The following PPARGC1A variants were observed in gnomAD, a reference collection of about 807,000 sequenced individuals.
PPARGC1A encodes PPARG coactivator 1 alpha, also known as peroxisome proliferator-activated receptor gamma coactivator 1-alpha.
Under a neutral mutation model 88.7 loss-of-function variants are expected in PPARGC1A, and 25 were observed. That is an observed-to-expected ratio of 0.28 (90% CI 0.21 to 0.39). The LOEUF is 0.39. PPARGC1A is among the 10% of genes least tolerant of loss of function. The pLI is 1.00. For synonymous variants in PPARGC1A, 363 were observed against 355.6 expected (o/e 1.02, Z -0.24); for missense variants, 880 against 968.7 (o/e 0.91, Z 1.22).
In PPARGC1A at chr4:23,813,089, G is replaced by T. The variant is rs766369152; in HGVS notation, c.1830C>A (p.His610Gln). The change falls in exon 9 of 13, where the codon CAC becomes CAA. Residue 610 changes from histidine (H) to glutamine (Q), a missense_variant. By Grantham distance (24) the His-to-Gln change is conservative (BLOSUM62 0). Coordinates refer to ENST00000264867, the MANE Select transcript of PPARGC1A (RefSeq NM_013261.5). ...CYYYESSHYR[H>Q]RTHRNSPLYV... ...ACAAGGGAGAATTTCGGTGCGTGCG[G>T]TGTCTGTAGTGGCTTGACTCATAGT... 1.9e-5 allele frequency: 30 copies of T among 1,613,982 alleles called. No individual in the cohort carries two copies. The highest frequency in any genetic ancestry group is 2.1e-5 in the Non-Finnish European group (25 of 1,179,974).
chr4:24,350,387 AC>A, the PPARGC1A span, among the ~76,000 whole-genome samples: 10 of 152,268 alleles, frequency 6.6e-5, no homozygotes, highest in East Asian at 5.8e-4. Flanking sequence ...TCTGAAAAAA[AC>A]TTTTTTTTTG....
At chr4:24,317,596 A>AAC in the PPARGC1A span, among the ~76,000 whole-genome samples, 13 of 131,132 alleles carry the variant, frequency 9.9e-5, no homozygotes, top group African/African-American at 3.2e-4. Flanking sequence ...AAAAAAAAAA[A>AAC]CACCACCACC....
chr4:24,460,197 TATC>T, the PPARGC1A span, among the ~76,000 whole-genome samples: 2 of 152,220 alleles, frequency 1.3e-5, no homozygotes, highest in Non-Finnish European at 2.9e-5. Flanking sequence ...AAATGTTTAA[TATC>T]ATTGTAAACA....
the PPARGC1A span, among the ~76,000 whole-genome samples, chr4:24,387,183 G>A: frequency 6.6e-6 from 1 of 152,180 alleles, no homozygotes; most frequent in African/African-American, 2.4e-5. Flanking sequence ...AAACTGGCTA[G>A]CCATATGCAG....
At chr4:24,046,544 G>A in the PPARGC1A span, among the ~76,000 whole-genome samples, 8 of 152,042 alleles carry the variant, frequency 5.3e-5, no homozygotes, top group African/African-American at 1.9e-4. Context: ...ATGCAAACTC[G>A]ACCACTGACT....
At chr4:24,292,148 T>G in the PPARGC1A span, among the ~76,000 whole-genome samples, 1 of 152,070 alleles carries the variant, frequency 6.6e-6, no homozygotes, top group African/African-American at 2.4e-5. Flanking sequence ...GCCACGGAGG[T>G]TGTCCTGCTC....
the PPARGC1A span, among the ~76,000 whole-genome samples, chr4:23,910,341 TTATATATTA>T: frequency 1.2e-3 from 70 of 60,592 alleles, no homozygotes; most frequent in African/African-American, 1.6e-3. Flanking sequence ...ATTATATATA[TTATATATTA>T]TATATATTAT....
the PPARGC1A span, among the ~76,000 whole-genome samples, chr4:24,316,361 T>G: frequency 6.6e-6 from 1 of 152,234 alleles, no homozygotes; most frequent in Non-Finnish European, 1.5e-5. Context: ...CCAGACTTTC[T>G]GACTCCATTA....
chr4:24,028,026 G>A, the PPARGC1A span, among the ~76,000 whole-genome samples: 1 of 152,020 alleles, frequency 6.6e-6, no homozygotes, highest in Non-Finnish European at 1.5e-5. Flanking sequence ...GGAGACTGAG[G>A]CTTGGAAAAT....
chr4:24,274,093 G>T, the PPARGC1A span, among the ~76,000 whole-genome samples: 7 of 151,956 alleles, frequency 4.6e-5, no homozygotes. Flanking sequence ...TCAGATAAAA[G>T]TTCCATACAT....
chr4:23,840,623 A>G (rs1726892846), intron 2 of PPARGC1A, among the ~76,000 whole-genome samples: 1 of 152,032 alleles, frequency 6.6e-6, no homozygotes, highest in South Asian at 2.1e-4. Context: ...TGTTTTAGTG[A>G]TTTATCTTCT....
At chr4:24,446,200 G>C in the PPARGC1A span, among the ~76,000 whole-genome samples, 2 of 152,274 alleles carry the variant, frequency 1.3e-5, no homozygotes, top group Admixed American at 1.3e-4. Context: ...TAAGAAGGAC[G>C]GTTGAATTTC....
the PPARGC1A span, among the ~76,000 whole-genome samples, chr4:24,305,408 C>G: frequency 6.6e-6 from 1 of 152,114 alleles, no homozygotes; most frequent in Non-Finnish European, 1.5e-5. Context: ...CACTCAGTCT[C>G]CATTTCCTGA....
chr4:24,033,990 G>C, the PPARGC1A span, among the ~76,000 whole-genome samples: 2 of 152,276 alleles, frequency 1.3e-5, no homozygotes, highest in South Asian at 4.1e-4. Context: ...GGTCCGTTTG[G>C]CCTTCTTCTT....
chr4:23,802,351 G>C lies in PPARGC1A; in HGVS notation c.2020-6C>G, dbSNP rs527643200. ...TAAATCACACGGCGCTCTTCCTATG[G>C]GGGGAAGGAAGGAGAGAGTTCTGGA... is the stretch of plus-strand genomic sequence containing the variant. On this transcript the variant is annotated splice_region_variant and splice_polypyrimidine_tract_variant and intron_variant, in intron 10 of 12. Coordinates refer to ENST00000264867, the MANE Select transcript of PPARGC1A (RefSeq NM_013261.5). The C allele has an allele frequency of 1.5e-5, 25 of 1,613,932 alleles. No homozygotes were observed. The South Asian group carries it at 2.5e-4, about 16-fold the overall frequency.
chr4:24,208,402 G>T, the PPARGC1A span, among the ~76,000 whole-genome samples: 1 of 152,076 alleles, frequency 6.6e-6, no homozygotes, highest in South Asian at 2.1e-4. Context: ...CTCATTCATT[G>T]CCCTGGCTGC....
chr4:24,017,021 A>G, the PPARGC1A span, among the ~76,000 whole-genome samples: 5 of 152,294 alleles, frequency 3.3e-5, no homozygotes, highest in African/African-American at 9.6e-5. Context: ...AAGTGTCTAC[A>G]GAGATTAGGG....
At chr4:24,278,475 T>G in the PPARGC1A span, among the ~76,000 whole-genome samples, 2 of 152,336 alleles carry the variant, frequency 1.3e-5, no homozygotes, top group South Asian at 4.1e-4. Context: ...ACTGGGAATT[T>G]GTCCACCTCT....
chr4:24,305,521 T>G, the PPARGC1A span, among the ~76,000 whole-genome samples: 2 of 152,198 alleles, frequency 1.3e-5, no homozygotes, highest in Non-Finnish European at 2.9e-5. Flanking sequence ...GCTTAAAAGA[T>G]GGTGGCCATT....
Sources: allele counts gnomAD v4.1 joint callset (sites outside exome capture counted in the v4.1 genomes callset), GRCh38; gene constraint gnomAD v4.1.1; transcripts MANE v1.5; gene names NCBI Gene and HGNC (gene_info 2026-07-23, HGNC 2026-07-21).